Variants in ASIC2 observed in about 807,000 individuals in gnomAD.
ASIC2 encodes the protein acid-sensing ion channel 2.
In ASIC2, 25 loss-of-function variants were observed where a neutral mutation model predicts 57.3. The ratio of observed to expected loss-of-function variants is 0.44; its 90% CI spans 0.32 to 0.61. The LOEUF (loss-of-function observed/expected upper bound fraction) is 0.61, where lower values mean the gene tolerates loss of function less well. Ranked by LOEUF, ASIC2 falls within the 20% of genes least tolerant of loss-of-function variation. The probability of loss-of-function intolerance (pLI) is 0.06; values close to 1 mark genes in which losing one functional copy is unlikely to be tolerated. For missense variants in ASIC2, 641 were observed against 738.1 expected (o/e 0.87, Z 1.52); for synonymous variants, 319 against 307.5 (o/e 1.04, Z -0.39).
chr17:33,269,664 TTCCTTCCTTCCC>T (rs1188809896), intron 1 of ASIC2, among the ~76,000 whole-genome samples: 1 of 77,368 alleles, frequency 1.3e-5, no homozygotes, highest in African/African-American at 4.4e-5. Context: ...CCTTCCTTCC[TTCCTTCCTTCCC>T]TCCCTCCCTC....
chr17:34,073,513 G>C (rs930335312), intron 1 of ASIC2, among the ~76,000 whole-genome samples: 2 of 152,164 alleles, frequency 1.3e-5, no homozygotes, highest in African/African-American at 4.8e-5. Flanking sequence ...TGAGAGCCAG[G>C]TTGTGGGATG....
At chr17:33,939,492 G>C (rs187784954) in intron 1 of ASIC2, among the ~76,000 whole-genome samples, 3 of 152,322 alleles carry the variant, frequency 2.0e-5, no homozygotes, top group Admixed American at 1.3e-4. Context: ...AGAAAGCCTG[G>C]AACTAGACTC....
chr17:33,948,999 G>A (rs1350980294), intron 1 of ASIC2, among the ~76,000 whole-genome samples: 1 of 152,172 alleles, frequency 6.6e-6, no homozygotes, highest in Non-Finnish European at 1.5e-5. Flanking sequence ...GTAAAGAAAT[G>A]AGTGGGACTG....
intron 1 of ASIC2, among the ~76,000 whole-genome samples, chr17:33,848,333 C>T (rs1419687782): frequency 6.6e-6 from 1 of 152,108 alleles, no homozygotes; most frequent in African/African-American, 2.4e-5. Context: ...CTTTTTTTCT[C>T]CTTACATGCT....
intron 1 of ASIC2, among the ~76,000 whole-genome samples, chr17:34,064,921 A>G (rs1024214953): frequency 6.6e-6 from 1 of 152,232 alleles, no homozygotes; most frequent in Non-Finnish European, 1.5e-5. Context: ...ACACTTCCAC[A>G]TGGCTAGTGG....
At chr17:33,630,714 C>T (rs1906137594) in intron 1 of ASIC2, among the ~76,000 whole-genome samples, 1 of 152,154 alleles carries the variant, frequency 6.6e-6, no homozygotes, top group Non-Finnish European at 1.5e-5. Flanking sequence ...ACTTCCCTTA[C>T]TGGGTTATTG....
At chr17:33,358,240 C>A (rs146807102) in intron 1 of ASIC2, among the ~76,000 whole-genome samples, 2,330 of 152,282 alleles carry the variant, frequency 0.015, 26 homozygotes, top group Middle Eastern at 0.031. Context: ...TTTTTGGCTG[C>A]CTTTTCACTC....
At chr17:33,246,935 C>A (rs1908712347) in intron 1 of ASIC2, among the ~76,000 whole-genome samples, 1 of 152,004 alleles carries the variant, frequency 6.6e-6, no homozygotes, top group Admixed American at 6.6e-5. Flanking sequence ...GCCCTAGGAC[C>A]TAGGAGGTTT....
chr17:34,012,220 AC>A (rs1000907424), intron 1 of ASIC2, among the ~76,000 whole-genome samples: 1 of 152,032 alleles, frequency 6.6e-6, no homozygotes, highest in African/African-American at 2.4e-5. Flanking sequence ...CCCCCGAACC[AC>A]CATGACCCAA....
intron 1 of ASIC2, among the ~76,000 whole-genome samples, chr17:34,044,362 T>A (rs1179423075): frequency 6.6e-6 from 1 of 152,092 alleles, no homozygotes; most frequent in African/African-American, 2.4e-5. Context: ...TCTAATGAAG[T>A]AGGAAGGAAG....
At chr17:33,397,632 C>G (rs1421731805) in intron 1 of ASIC2, among the ~76,000 whole-genome samples, 1 of 152,126 alleles carries the variant, frequency 6.6e-6, no homozygotes, top group East Asian at 1.9e-4. Context: ...TTTACTAGAA[C>G]TGTCCCTGGG....
intron 1 of ASIC2, among the ~76,000 whole-genome samples, chr17:33,733,206 A>G (rs1909801443): frequency 6.6e-6 from 1 of 152,226 alleles, no homozygotes; most frequent in African/African-American, 2.4e-5. Context: ...GGTCCAGTGC[A>G]AGAGAGACGG....
intron 1 of ASIC2, among the ~76,000 whole-genome samples, chr17:33,503,968 T>A (rs1334169314): frequency 1.3e-5 from 2 of 152,118 alleles, no homozygotes; most frequent in Non-Finnish European, 2.9e-5. Flanking sequence ...ATGAAGAGAA[T>A]GGGGAAGGGG....
chr17:34,032,573 G>A (rs1157540786), intron 1 of ASIC2, among the ~76,000 whole-genome samples: 1 of 152,150 alleles, frequency 6.6e-6, no homozygotes, highest in African/African-American at 2.4e-5. Flanking sequence ...CTGGCAAATT[G>A]GATAAAGAGT....
chr17:33,266,481 A>T (rs920058078), intron 1 of ASIC2, among the ~76,000 whole-genome samples: 1 of 152,144 alleles, frequency 6.6e-6, no homozygotes, highest in Non-Finnish European at 1.5e-5. Flanking sequence ...CATTTAGTTT[A>T]AAAAAGCAAA....
At chr17:34,033,127 C>T (rs574845773) in intron 1 of ASIC2, among the ~76,000 whole-genome samples, 5 of 152,294 alleles carry the variant, frequency 3.3e-5, no homozygotes, top group South Asian at 2.1e-4. Flanking sequence ...AAGCACTCCT[C>T]AGCAAATGTA....
chr17:33,337,254 C>T (rs1907549012), intron 1 of ASIC2, among the ~76,000 whole-genome samples: 1 of 152,188 alleles, frequency 6.6e-6, no homozygotes, highest in African/African-American at 2.4e-5. Context: ...CCCAGCTCCA[C>T]CAATTAATAG....
At position 33,881,812 on chromosome 17, in the gene ASIC2, G is replaced by A. The variant is rs961119058; in HGVS notation, c.555+274166C>T. 2.0e-5 allele frequency among the ~76,000 whole-genome samples: 3 copies of A among 151,992 alleles called. No homozygotes were observed. In the South Asian group the frequency reaches 6.2e-4, roughly 32 times the overall value. On this transcript the variant is annotated intron_variant, in intron 1 of 9. Coordinates refer to the ASIC2 transcript ENST00000359872. ...AGCCCTCATTGCCAAGTCAATCCTA[G>A]GCCAAAAGAACAAAGCTGGAGGCAT... is the stretch of plus-strand genomic sequence containing the variant.
At chr17:34,123,010 A>G (rs1172266070) in intron 1 of ASIC2, among the ~76,000 whole-genome samples, 1 of 152,218 alleles carries the variant, frequency 6.6e-6, no homozygotes, top group Admixed American at 6.5e-5. Context: ...AAGTCCATCA[A>G]AAATTCATGG....
Sources: allele counts gnomAD v4.1 joint callset (sites outside exome capture counted in the v4.1 genomes callset), GRCh38; gene constraint gnomAD v4.1.1; transcripts MANE v1.5; gene names NCBI Gene and HGNC (gene_info 2026-07-23, HGNC 2026-07-21).